Variants in NIPBL observed in about 807,000 individuals in gnomAD.
NIPBL encodes the protein NIPBL cohesin loading factor.
A neutral mutation model predicts 321.8 loss-of-function variants in NIPBL; 19 were observed. The observed-to-expected ratio is 0.06, with a 90% CI of 0.04 to 0.09. The LOEUF (loss-of-function observed/expected upper bound fraction) is 0.09. Among genes scored for constraint, NIPBL ranks in the 10% least tolerant of loss-of-function variants. The pLI is 1.00. For synonymous variants in NIPBL, 1,106 were observed against 1,114.1 expected (o/e 0.99, Z 0.14); for missense variants, 2,210 against 3,327.0 (o/e 0.66, Z 8.26).
At position 36,888,515 on chromosome 5, in the gene NIPBL, C is replaced by T. The variant is rs6887511; in HGVS notation, c.-80+11337C>T. On this transcript the variant is annotated intron_variant, in intron 1 of 46. Transcript: ENST00000282516. The stretch of plus-strand genomic sequence containing the variant: ...AGGAAGGACTTTTGAATTGACTTTC[C>T]TATACTGTGGAAACAAGTTTACTTA... Among the ~76,000 whole-genome samples the T allele has an allele frequency of 7.0e-3, 1,068 of 152,132 alleles. 14 individuals carry two copies. The highest frequency in any genetic ancestry group is 0.024 in the African/African-American group (1,006 of 41,518).
chr5:36,953,926 C>T (rs1740671213), intron 2 of NIPBL, among the ~76,000 whole-genome samples, 166 bp downstream of exon 2: 1 of 152,070 alleles, frequency 6.6e-6, no homozygotes, highest in Admixed American at 6.6e-5. Context: ...ATTTATCTAA[C>T]TTCTTAGTGA....
chr5:36,932,245 A>C (rs1021367039), intron 1 of NIPBL, among the ~76,000 whole-genome samples: 3 of 152,154 alleles, frequency 2.0e-5, no homozygotes, highest in African/African-American at 7.2e-5. Flanking sequence ...TGTTCTGTAA[A>C]CTTAAGTTAG....
In NIPBL at chr5:36,985,291, A is replaced by C; in HGVS notation, c.2111A>C (p.Lys704Thr). Reference sequence around the variant, plus strand: ...ACAAAATCAAGGCCTGAAACCCCAAAGCAAAAGGGTGAAAGCCGGCCTGAG... The same window carrying C: ...ACAAAATCAAGGCCTGAAACCCCAACGCAAAAGGGTGAAAGCCGGCCTGAG... ...ETTKSRPETPKQKGESRPETP... is the reference protein window; with the variant it reads ...ETTKSRPETPTQKGESRPETP... Residue 704 changes from lysine (K) to threonine (T), a missense_variant, in exon 10 of 47, where the codon AAG (lysine) becomes ACG (threonine). Transcript: ENST00000282516. 1.2e-6 allele frequency: 2 copies of C among 1,613,798 alleles called. No individual in the cohort carries two copies. Among genetic ancestry groups the C allele is most frequent in the East Asian group, 4.5e-5 (2 of 44,874 alleles).
intron 5 of NIPBL, 92 bp from the exon 6 acceptor site, chr5:36,962,031 A>C: frequency 2.9e-6 from 4 of 1,374,414 alleles, no homozygotes; most frequent in Non-Finnish European, 4.1e-6. Context: ...ATATAAACTA[A>C]GAGATCAGAG....
chr5:36,945,004 A>C (rs1739507508), intron 1 of NIPBL, among the ~76,000 whole-genome samples: 1 of 152,186 alleles, frequency 6.6e-6, no homozygotes, highest in South Asian at 2.1e-4. Flanking sequence ...TGTATGAAAC[A>C]GTCTTTTAAC....
intron 19 of NIPBL, 145 bp downstream of exon 19, chr5:37,008,233 T>C: frequency 6.3e-6 from 4 of 637,900 alleles, no homozygotes; most frequent in Non-Finnish European, 1.1e-5. Context: ...TAAGTCTTAT[T>C]AGACTTTATT....
chr5:36,918,307 A>G (rs1280473899), intron 1 of NIPBL, among the ~76,000 whole-genome samples: 1 of 152,128 alleles, frequency 6.6e-6, no homozygotes, highest in Non-Finnish European at 1.5e-5. Context: ...GAGTTCACTC[A>G]TGATTTGGCT....
chr5:36,919,391 G>T (rs551411432), intron 1 of NIPBL, among the ~76,000 whole-genome samples: 3 of 150,900 alleles, frequency 2.0e-5, no homozygotes, highest in East Asian at 2.0e-4. Context: ...AAGAGATAGG[G>T]TCTCATGAAA....
At chr5:37,037,375 G>A (rs1751811725) in intron 33 of NIPBL, among the ~76,000 whole-genome samples, 1 of 147,678 alleles carries the variant, frequency 6.8e-6, no homozygotes, top group Admixed American at 6.7e-5. Context: ...GTGACAGAGG[G>A]AGACTCCGTC....
intron 10 of NIPBL, among the ~76,000 whole-genome samples, chr5:36,989,688 ATTAG>A (rs1745258541): frequency 6.6e-6 from 1 of 151,934 alleles, no homozygotes; most frequent in Non-Finnish European, 1.5e-5. Flanking sequence ...AAATACAAAA[ATTAG>A]TTAGGCACTG....
chr5:36,897,387 C>G (rs1043240206), intron 1 of NIPBL, among the ~76,000 whole-genome samples: 3 of 152,130 alleles, frequency 2.0e-5, no homozygotes, highest in African/African-American at 7.2e-5. Context: ...GATCTTGTAT[C>G]CTGCAACCTT....
rs1359990697 is a variant in NIPBL at position 37,058,996 on chromosome 5, C to T, written c.7516C>T (p.Arg2506Cys). 6.2e-7 allele frequency: 1 copy of T among 1,614,118 alleles called. No homozygotes were observed. The highest frequency in any genetic ancestry group is 8.5e-7 in the Non-Finnish European group (1 of 1,180,014). Residue 2506 changes from arginine (R) to cysteine (C), a missense_variant, in exon 44 of 47, where the codon CGT becomes TGT. Arg to Cys is a radical substitution (Grantham distance 180). Transcript: ENST00000282516. ...TTCCAGGCCTCGGAAGTCACGGAAACGTGTAGATTCAGATTCAGATTCAGA... is the reference window on the plus strand; with the variant it reads ...TTCCAGGCCTCGGAAGTCACGGAAATGTGTAGATTCAGATTCAGATTCAGA... ...EVSRPRKSRKRVDSDSDSDSE... is the reference protein window; with the variant it reads ...EVSRPRKSRKCVDSDSDSDSE...
At chr5:37,007,618 T>G (rs543104936) in intron 18 of NIPBL, 144 bp downstream of exon 18, 1 of 608,600 alleles carries the variant, frequency 1.6e-6, no homozygotes, top group South Asian at 2.5e-5. Context: ...ATCGAAGAAA[T>G]AAAACTTCAG....
intron 3 of NIPBL, 148 bp downstream of exon 3, chr5:36,955,785 T>A (rs113584374): frequency 3.0e-6 from 2 of 659,886 alleles, no homozygotes; most frequent in Non-Finnish European, 2.6e-6. Context: ...ATAGTCTTAT[T>A]GCAATAATAG....
chr5:36,906,905 T>C (rs1046951634), intron 1 of NIPBL, among the ~76,000 whole-genome samples: 3 of 152,170 alleles, frequency 2.0e-5, no homozygotes, highest in African/African-American at 7.2e-5. Context: ...GAGTTTCTTC[T>C]TCCCAGCCCC....
intron 20 of NIPBL, among the ~76,000 whole-genome samples, chr5:37,009,287 T>C (rs1041734204): frequency 3.3e-5 from 5 of 152,032 alleles, no homozygotes; most frequent in African/African-American, 7.2e-5. Flanking sequence ...AGAATAAACA[T>C]GGGGATTAAA....
intron 30 of NIPBL, among the ~76,000 whole-genome samples, chr5:37,025,507 G>T (rs1750160262): frequency 6.6e-6 from 1 of 152,150 alleles, no homozygotes; most frequent in Non-Finnish European, 1.5e-5. Context: ...GTTAGCAGAG[G>T]GAGGGAAGGG....
At position 37,010,179 on chromosome 5, in the gene NIPBL, C is replaced by T; in HGVS notation, c.4514C>T (p.Pro1505Leu). The change falls in exon 21 of 47, where the codon CCA becomes CTA. Residue 1505 changes from proline (P) to leucine (L), a missense_variant. Around this residue, in one of 14 missense-constraint regions of NIPBL, gnomAD observed 381 missense variants for 642.3 expected, o/e 0.59. Transcript: ENST00000282516. ...CTTATTCAGTGTGTGGTACACTTAC[C>T]ATCATCAGAGAAGGACTCTAATGCA... The part of the protein sequence containing the change: ...LQLIQCVVHL[P>L]SSEKDSNAEE... 1 of 1,610,848 alleles carries T rather than the reference C, an allele frequency of 6.2e-7. No homozygotes were observed. Among genetic ancestry groups the T allele is most frequent in the Non-Finnish European group, 8.5e-7 (1 of 1,177,220 alleles).
intron 34 of NIPBL, among the ~76,000 whole-genome samples, chr5:37,041,254 T>TTTTC: frequency 9.2e-6 from 1 of 108,164 alleles, no homozygotes; most frequent in South Asian, 3.4e-4. Flanking sequence ...ATGTGGTGGT[T>TTTTC]TTTTTTTTTT....
Sources: gnomAD v4.1 joint callset for allele counts (sites outside exome capture counted in the v4.1 genomes callset) on GRCh38, gnomAD v4.1.1 for gene constraint, gnomAD v4.1.1 regional missense constraint, MANE v1.5 for transcripts, NCBI Gene and HGNC (gene_info 2026-07-23, HGNC 2026-07-21) for gene names.